Variants in CRTAC1 observed in about 807,000 individuals in gnomAD.
The protein encoded by CRTAC1 is acidic secreted protein in cartilage.
Under a neutral mutation model 67.8 loss-of-function variants are expected in CRTAC1, and 37 were observed. That is an observed-to-expected ratio of 0.55 (90% CI 0.42 to 0.72). The LOEUF is 0.72. CRTAC1 is among the 30% of genes least tolerant of loss of function. The pLI is 0.00. For missense variants in CRTAC1, 780 were observed against 931.6 expected (o/e 0.84, Z 2.12); for synonymous variants, 348 against 371.0 (o/e 0.94, Z 0.71).
intron 5 of CRTAC1, among the ~76,000 whole-genome samples, chr10:97,908,699 C>T (rs1383168847): frequency 6.6e-6 from 1 of 152,212 alleles, no homozygotes; most frequent in Non-Finnish European, 1.5e-5. Flanking sequence ...GATTATGGAG[C>T]ATCCATATGA....
intron 2 of CRTAC1, among the ~76,000 whole-genome samples, chr10:97,984,995 T>C (rs538138058): frequency 6.6e-6 from 1 of 152,304 alleles, no homozygotes; most frequent in African/African-American, 2.4e-5. Flanking sequence ...AATGAAAGAC[T>C]CAGAGGAGAC....
intron 2 of CRTAC1, among the ~76,000 whole-genome samples, chr10:97,984,758 C>T (rs1417047085): frequency 6.6e-6 from 1 of 152,138 alleles, no homozygotes; most frequent in Non-Finnish European, 1.5e-5. Flanking sequence ...CAGTGGGATT[C>T]TTTGATTGTA....
intron 11 of CRTAC1, among the ~76,000 whole-genome samples, chr10:97,887,782 A>T (rs1451820764): frequency 2.6e-5 from 4 of 152,236 alleles, no homozygotes; most frequent in Non-Finnish European, 5.9e-5. Context: ...ACCCTGGAGC[A>T]GGAGTCCTGG....
At chr10:97,971,716 C>T (rs1338089118) in intron 2 of CRTAC1, among the ~76,000 whole-genome samples, 3 of 152,120 alleles carry the variant, frequency 2.0e-5, no homozygotes, top group African/African-American at 7.2e-5. Context: ...AGATTGAACA[C>T]AGAGCTGCAG....
chr10:98,016,068 A>G (rs917477368), intron 1 of CRTAC1, among the ~76,000 whole-genome samples: 1 of 152,212 alleles, frequency 6.6e-6, no homozygotes, highest in Non-Finnish European at 1.5e-5. Context: ...GCTCAAGATC[A>G]AAGTACCACA....
intron 14 of CRTAC1, chr10:97,867,380 G>A (rs1285118871): frequency 6.6e-6 from 1 of 152,278 alleles, no homozygotes; most frequent in East Asian, 1.9e-4. Flanking sequence ...GGTGTTAGAA[G>A]TGGATGTGCA....
chr10:97,872,475 C>T (rs1007436349), intron 14 of CRTAC1, among the ~76,000 whole-genome samples: 17 of 152,126 alleles, frequency 1.1e-4, no homozygotes, highest in African/African-American at 4.8e-5. Flanking sequence ...GGGGAGGAAG[C>T]GTGTGTCCCA....
At chr10:97,995,697 TG>T (rs1842551048) in intron 2 of CRTAC1, among the ~76,000 whole-genome samples, 1 of 152,090 alleles carries the variant, frequency 6.6e-6, no homozygotes, top group Admixed American at 6.6e-5. Context: ...GGTAAATACA[TG>T]GAAATGAGGG....
intron 1 of CRTAC1, among the ~76,000 whole-genome samples, chr10:98,012,644 G>C (rs766991729): frequency 6.6e-6 from 1 of 152,198 alleles, no homozygotes; most frequent in Non-Finnish European, 1.5e-5. Context: ...AGATGCTCCT[G>C]CCGGCAAATG....
chr10:97,869,587 G>A (rs1050064802), intron 14 of CRTAC1: 2 of 152,410 alleles, frequency 1.3e-5, no homozygotes, highest in East Asian at 1.9e-4. Flanking sequence ...CAGGGCGGGT[G>A]TGTGTGAAAC....
At chr10:97,905,289 T>C (rs1008207546) in intron 6 of CRTAC1, among the ~76,000 whole-genome samples, 2 of 152,188 alleles carry the variant, frequency 1.3e-5, no homozygotes, top group Admixed American at 1.3e-4. Context: ...GTCCGCCTTA[T>C]CTGGTCTTGA....
At chr10:97,968,874 G>A (rs969393938) in intron 2 of CRTAC1, among the ~76,000 whole-genome samples, 6 of 152,174 alleles carry the variant, frequency 3.9e-5, no homozygotes, top group African/African-American at 1.2e-4. Context: ...CAGACCGTGG[G>A]TCCTATCCCC....
intron 2 of CRTAC1, among the ~76,000 whole-genome samples, chr10:97,999,492 C>T (rs114509167): frequency 0.011 from 1,604 of 152,362 alleles, 36 homozygotes; most frequent in African/African-American, 0.037. Context: ...ACTTTGGGTG[C>T]CAATGAGCAC....
chr10:97,916,509 A>G (rs188960558), intron 5 of CRTAC1, among the ~76,000 whole-genome samples: 4 of 152,164 alleles, frequency 2.6e-5, no homozygotes, highest in Non-Finnish European at 2.9e-5. Context: ...GGCAGTGACA[A>G]CCCTTTCTGG....
At chr10:97,892,778 T>A (rs920843739) in intron 11 of CRTAC1, among the ~76,000 whole-genome samples, 2 of 152,254 alleles carry the variant, frequency 1.3e-5, no homozygotes, top group Admixed American at 1.3e-4. Context: ...AGGGCCAGCT[T>A]AGCACATAGC....
At chr10:98,020,087 C>G (rs1843085727) in intron 1 of CRTAC1, among the ~76,000 whole-genome samples, 1 of 152,112 alleles carries the variant, frequency 6.6e-6, no homozygotes, top group Non-Finnish European at 1.5e-5. Context: ...GGGGATCTGC[C>G]CCTTTCTCAC....
chr10:97,916,701 G>C (rs868514592), intron 5 of CRTAC1, among the ~76,000 whole-genome samples: 26 of 152,200 alleles, frequency 1.7e-4, no homozygotes, highest in African/African-American at 6.3e-4. Context: ...GGATCTCTCT[G>C]TCCCAAGTGC....
In CRTAC1 at chr10:97,880,229, A is replaced by G. The variant is rs2050193724; in HGVS notation, c.1819+20T>C. 6 of 1,612,640 alleles carry G rather than the reference A, an allele frequency of 3.7e-6. No homozygotes were observed. Among genetic ancestry groups the G allele is most frequent in the Non-Finnish European group, 5.1e-6 (6 of 1,178,922 alleles). On this transcript the variant is annotated intron_variant, in intron 14 of 14. Coordinates refer to ENST00000370597, the MANE Select transcript of CRTAC1 (RefSeq NM_018058.7). ...AGCAACATCCTTTTGCTACTGGCCT[A>G]TGGCTGGGGCCCCACTCACCCACGC...
chr10:97,999,195 C>T (rs1842641771), intron 2 of CRTAC1, among the ~76,000 whole-genome samples: 1 of 152,208 alleles, frequency 6.6e-6, no homozygotes, highest in Admixed American at 6.5e-5. Context: ...GACTCCCACG[C>T]AGGGGAGAAG....
Sources: gnomAD v4.1 joint callset for allele counts (sites outside exome capture counted in the v4.1 genomes callset) on GRCh38, gnomAD v4.1.1 for gene constraint, MANE v1.5 for transcripts, NCBI Gene and HGNC (gene_info 2026-07-23, HGNC 2026-07-21) for gene names.